BMPR1B: variants seen among roughly 807,000 people sequenced by gnomAD.
The protein encoded by BMPR1B is bone morphogenetic protein receptor type 1B, also known as bone morphogenetic protein receptor type-1B.
BMPR1B carries 12 observed loss-of-function variants against 59.1 expected under a neutral mutation model. That is an observed-to-expected ratio of 0.20 (90% CI 0.13 to 0.33). The LOEUF (loss-of-function observed/expected upper bound fraction) is 0.33. Among genes scored for constraint, BMPR1B ranks in the 10% least tolerant of loss-of-function variants. BMPR1B has a pLI of 1.00. For missense variants in BMPR1B, 550 were observed against 610.9 expected, an observed-to-expected ratio of 0.90 and a Z score of 1.05; for synonymous variants, 237 against 207.3, an observed-to-expected ratio of 1.14 and a Z score of -1.23.
In BMPR1B at chr4:95,129,881, A is replaced by G. The variant is rs185062260; in HGVS notation, c.605A>G (p.Lys202Arg). The G allele has an allele frequency of 1.1e-5, 18 of 1,613,790 alleles. No individual in the cohort carries two copies. The highest frequency in any genetic ancestry group is 2.7e-5 in the African/African-American group (2 of 75,038). Residue 202 changes from lysine (K) to arginine (R), a missense_variant, in exon 9 of 13, where the codon AAG (lysine) becomes AGG (arginine). Coordinates refer to ENST00000515059, the MANE Select transcript of BMPR1B (RefSeq NM_001203.3). The stretch of plus-strand genomic sequence containing the variant: ...TCACAGGTCCAAAGGACTATAGCTA[A>G]GCAGATTCAGATGGTGAAACAGATT... ...LPLLVQRTIA[K>R]QIQMVKQIGK...
chr4:94,925,318 G>A (rs947166836), intron 2 of BMPR1B, among the ~76,000 whole-genome samples: 3 of 151,982 alleles, frequency 2.0e-5, no homozygotes, highest in Admixed American at 1.3e-4. Flanking sequence ...TGAAAAAAAG[G>A]AATGGACATA....
chr4:94,837,171 A>G (rs1378967258), intron 1 of BMPR1B, among the ~76,000 whole-genome samples: 3 of 146,514 alleles, frequency 2.0e-5, no homozygotes, highest in African/African-American at 7.6e-5. Flanking sequence ...GCCTTGTAGT[A>G]TAGTTTGAAG....
At chr4:95,098,772 A>T (rs1730608707) in intron 3 of BMPR1B, among the ~76,000 whole-genome samples, 1 of 152,096 alleles carries the variant, frequency 6.6e-6, no homozygotes, top group Admixed American at 6.5e-5. Context: ...GCTGGAGTGC[A>T]GTGGCGCGAT....
intron 3 of BMPR1B, among the ~76,000 whole-genome samples, chr4:95,054,507 G>T (rs1179199521): frequency 6.6e-6 from 1 of 152,106 alleles, no homozygotes. Flanking sequence ...CTTCCTAATA[G>T]TGAAAATGTG....
intron 5 of BMPR1B, 99 bp from the exon 6 acceptor site, chr4:95,115,586 A>T: frequency 1.1e-5 from 11 of 1,008,338 alleles, no homozygotes; most frequent in Non-Finnish European, 1.7e-5. Context: ...TTAGAATTTT[A>T]AATTAGTTCT....
At chr4:95,040,924 G>A (rs1251638122) in intron 3 of BMPR1B, among the ~76,000 whole-genome samples, 1 of 152,144 alleles carries the variant, frequency 6.6e-6, no homozygotes, top group Non-Finnish European at 1.5e-5. Context: ...TTCTAAGCCT[G>A]CAGTGCTGCC....
At chr4:94,862,310 C>T (rs931016933) in intron 1 of BMPR1B, among the ~76,000 whole-genome samples, 4 of 151,550 alleles carry the variant, frequency 2.6e-5, no homozygotes, top group Non-Finnish European at 5.9e-5. Context: ...CCACCATGCC[C>T]GGCTAATTTT....
At chr4:95,007,394 T>G (rs1028481000) in intron 3 of BMPR1B, among the ~76,000 whole-genome samples, 1 of 152,178 alleles carries the variant, frequency 6.6e-6, no homozygotes, top group Non-Finnish European at 1.5e-5. Context: ...AGGAACTCTG[T>G]TAGGAATTAT....
chr4:95,002,775 A>T (rs1170340274), intron 3 of BMPR1B, among the ~76,000 whole-genome samples: 1 of 152,172 alleles, frequency 6.6e-6, no homozygotes. Flanking sequence ...TTTCACTTTA[A>T]ATAAGTATTA....
chr4:94,885,536 C>T (rs1355110563), intron 2 of BMPR1B, among the ~76,000 whole-genome samples: 4 of 151,864 alleles, frequency 2.6e-5, no homozygotes, highest in African/African-American at 4.8e-5. Flanking sequence ...ATATTTATCA[C>T]CAGGGAAGAA....
chr4:94,885,852 G>A (rs1016631110), intron 2 of BMPR1B, among the ~76,000 whole-genome samples: 1 of 152,124 alleles, frequency 6.6e-6, no homozygotes. Flanking sequence ...ATCTGACCAA[G>A]CCCTGGTCAC....
intron 2 of BMPR1B, among the ~76,000 whole-genome samples, chr4:94,977,025 G>C (rs1356102110): frequency 6.6e-6 from 1 of 152,068 alleles, no homozygotes; most frequent in African/African-American, 2.4e-5. Context: ...TTTTAATTTT[G>C]TATTGTCTTT....
At chr4:94,899,444 TACAC>T (rs61195093) in intron 2 of BMPR1B, among the ~76,000 whole-genome samples, 1 of 149,648 alleles carries the variant, frequency 6.7e-6, no homozygotes. Flanking sequence ...CACACACACA[TACAC>T]ACACACATAT....
At chr4:94,906,760 G>C (rs1728057723) in intron 2 of BMPR1B, among the ~76,000 whole-genome samples, 1 of 152,012 alleles carries the variant, frequency 6.6e-6, no homozygotes, top group Non-Finnish European at 1.5e-5. Context: ...GGGTAGTGAA[G>C]ACTACTGATT....
intron 12 of BMPR1B, among the ~76,000 whole-genome samples, chr4:95,153,899 C>A (rs2149332074): frequency 6.6e-6 from 1 of 152,288 alleles, no homozygotes; most frequent in South Asian, 2.1e-4. Flanking sequence ...GGTTTTGTGT[C>A]TGGTTACTAA....
chr4:94,905,533 G>A (rs1032685092), intron 2 of BMPR1B, among the ~76,000 whole-genome samples: 12 of 151,872 alleles, frequency 7.9e-5, no homozygotes, highest in African/African-American at 2.9e-4. Flanking sequence ...GGCTTTTTAA[G>A]GCTTTTTTTG....
chr4:94,944,478 A>C (rs62316224), intron 2 of BMPR1B, among the ~76,000 whole-genome samples: 37,648 of 152,018 alleles, frequency 0.25, 4,692 homozygotes, highest in South Asian at 0.36. Context: ...TGCATTATTG[A>C]TTTGCATTTC....
chr4:95,015,577 G>A (rs1400196880), intron 3 of BMPR1B, among the ~76,000 whole-genome samples: 1 of 152,054 alleles, frequency 6.6e-6, no homozygotes, highest in African/African-American at 2.4e-5. Context: ...TGTAGAGATA[G>A]GGTCTCACTG....
chr4:94,857,462 C>T (rs1459376362), intron 1 of BMPR1B, among the ~76,000 whole-genome samples: 1 of 152,030 alleles, frequency 6.6e-6, no homozygotes, highest in Non-Finnish European at 1.5e-5. Context: ...ATCTAGTGGA[C>T]TATAAGATAT....
Sources: allele counts gnomAD v4.1 joint callset (sites outside exome capture counted in the v4.1 genomes callset), GRCh38; gene constraint gnomAD v4.1.1; transcripts MANE v1.5; gene names NCBI Gene and HGNC (gene_info 2026-07-23, HGNC 2026-07-21).